BCL6B: variants seen among roughly 807,000 people sequenced by gnomAD.
BCL6B encodes the protein B-cell CLL/lymphoma 6 member B protein.
BCL6B carries 28 observed loss-of-function variants against 44.6 expected under a neutral mutation model. The observed-to-expected ratio is 0.63, with a 90% CI of 0.47 to 0.86. BCL6B has a LOEUF of 0.86. BCL6B is among the 40% of genes least tolerant of loss of function. The pLI, the probability that BCL6B is intolerant of heterozygous loss-of-function variation, is 0.00. For synonymous variants in BCL6B, 268 were observed against 263.6 expected (o/e 1.02, Z -0.16); for missense variants, 626 against 652.3 (o/e 0.96, Z 0.44).
chr17:7,023,437 A>C, intron 1 of BCL6B: 1 of 544,846 alleles, frequency 1.8e-6, no homozygotes, highest in Non-Finnish European at 3.2e-6. Context: ...GCGGTGTGGA[A>C]CCTTCAACTG....
At chr17:7,025,652 G>T (rs950399354) in intron 5 of BCL6B, among the ~76,000 whole-genome samples, 1 of 152,100 alleles carries the variant, frequency 6.6e-6, no homozygotes, top group Non-Finnish European at 1.5e-5. Flanking sequence ...GGGCAACATA[G>T]TCAGATGTGG....
chr17:7,023,358 G>A, intron 1 of BCL6B: 3 of 397,936 alleles, frequency 7.5e-6, no homozygotes, highest in Middle Eastern at 6.6e-4. Context: ...GAGTGGCGGT[G>A]CTGGAGGGGC....
chr17:7,026,901 A>G (rs1308531973), intron 7 of BCL6B, 49 bp from the exon 8 acceptor site: 1 of 1,610,930 alleles, frequency 6.2e-7, no homozygotes, highest in Non-Finnish European at 8.5e-7. Context: ...GCCAATAGGG[A>G]GGGTTCTGTT....
In BCL6B at chr17:7,026,400, G is replaced by C. The variant is rs888097972; in HGVS notation, c.890-57G>C. The C allele has an allele frequency of 7.6e-6, 12 of 1,582,778 alleles. No individual in the cohort carries two copies. The African/African-American group carries it at 1.6e-4, about 21-fold the overall frequency. On this transcript the variant is annotated intron_variant, in intron 5 of 8. Transcript: ENST00000293805. ...TACTGTGTGGTTTGAGGATTCAGTAGTACCTAGATAGCCCTCATTAATAAC... is the reference window on the plus strand; with the variant it reads ...TACTGTGTGGTTTGAGGATTCAGTACTACCTAGATAGCCCTCATTAATAAC...
In BCL6B at chr17:7,029,349, G is replaced by A. The variant is rs1005342415; in HGVS notation, c.*1730G>A. 1.9e-5 allele frequency: 19 copies of A among 991,574 alleles called. No homozygotes were observed. The highest frequency in any genetic ancestry group is 5.2e-5 in the African/African-American group (3 of 57,236). 61.4% of individuals were successfully genotyped at this position (991,574 alleles called of 1,614,324 possible). A position where few individuals can be genotyped will look rare whatever the true frequency, so the allele number is the denominator to read the frequency against. On this transcript the variant is annotated 3_prime_UTR_variant, in exon 9 of 9. Transcript: ENST00000293805. ...CCTGGGGCTTATCTGATTATGGGAC[G>A]AGGGTAGAAAGTAAGAAGCACTTTT...
Position 7,024,659 on chromosome 17 carries a change from A to T in BCL6B, c.660A>T (p.Gln220His), listed in dbSNP as rs1597340318. The stretch of plus-strand genomic sequence containing the variant: ...TGGTCGGGGAGAGAAGTTCTGGTCA[A>T]CCTTGCCCCCAAGCCAGGCTCCCCA... ...GSLVGERSSG[Q>H]PCPQARLPSG... Residue 220 changes from glutamine to histidine, a missense_variant, in exon 4 of 9, where the codon CAA becomes CAT. By Grantham distance (24) the Gln-to-His change is conservative. Transcript: ENST00000293805. This position sits in a 1 kb window ranked among gnomAD's most constrained non-coding sequence, Gnocchi z 6.6. 2.5e-6 allele frequency: 4 copies of T among 1,613,718 alleles called. No homozygotes were observed. In the South Asian group the frequency reaches 4.4e-5, roughly 18 times the overall value.
intron 5 of BCL6B, among the ~76,000 whole-genome samples, chr17:7,025,662 G>T (rs1440772213): frequency 6.6e-6 from 1 of 151,966 alleles, no homozygotes; most frequent in Admixed American, 6.6e-5. Flanking sequence ...GTCAGATGTG[G>T]TCTCTACAAA....
chr17:7,023,951 C>A, intron 2 of BCL6B, 101 bp downstream of exon 2: 1 of 1,535,120 alleles, frequency 6.5e-7, no homozygotes, highest in Non-Finnish European at 8.9e-7. Flanking sequence ...AAGCAGGAGG[C>A]GGAGCGTCCC....
At chr17:7,023,558 G>A in intron 1 of BCL6B, 102 bp from the exon 2 acceptor site, 1 of 1,184,820 alleles carries the variant, frequency 8.4e-7, no homozygotes, top group Non-Finnish European at 1.2e-6. Context: ...CTAGGGGCTG[G>A]AAGTCCTGGC....
At chr17:7,025,239 C>T in intron 5 of BCL6B, 39 bp downstream of exon 5, 1 of 1,610,968 alleles carries the variant, frequency 6.2e-7, no homozygotes. Flanking sequence ...CCCGTGACTG[C>T]TCCAGGCAAG....
chr17:7,027,800 C>T lies in BCL6B; in HGVS notation c.*181C>T. 2.8e-6 allele frequency: 4 copies of T among 1,431,020 alleles called. No homozygotes were observed. Among genetic ancestry groups the T allele is most frequent in the Non-Finnish European group, 3.6e-6 (4 of 1,096,726 alleles). 88.6% of individuals were successfully genotyped at this position (1,431,020 alleles called of 1,614,324 possible). A position where few individuals can be genotyped will look rare whatever the true frequency, so the allele number is the denominator to read the frequency against. On this transcript the variant is annotated 3_prime_UTR_variant, in exon 9 of 9. Transcript: ENST00000293805. ...TGGCAGATCCTGGCTAGATCTGCCT[C>T]TGTTTTGCTGGTCAAAACCTCTTCC... is the stretch of plus-strand genomic sequence containing the variant.
chr17:7,025,314 A>G (rs185509375), intron 5 of BCL6B, 114 bp downstream of exon 5: 2 of 1,428,986 alleles, frequency 1.4e-6, no homozygotes, highest in East Asian at 4.6e-5. Context: ...TACAAATTAG[A>G]ATCACCTAGG....
intron 5 of BCL6B, 54 bp from the exon 6 acceptor site, chr17:7,026,403 C>T: frequency 3.1e-6 from 5 of 1,588,632 alleles, no homozygotes; most frequent in Non-Finnish European, 4.3e-6. Context: ...TTCAGTAGTA[C>T]CTAGATAGCC....
Position 7,024,434 on chromosome 17 carries a change from G to A in BCL6B, c.435G>A (p.Leu145=). 1.2e-6 allele frequency: 2 copies of A among 1,613,250 alleles called. No individual in the cohort carries two copies. The highest frequency in any genetic ancestry group is 1.7e-6 in the Non-Finnish European group (2 of 1,179,716). The change falls in exon 4 of 9, where the codon CTG becomes CTA. Residue 145 remains leucine (L), a synonymous_variant. Transcript: ENST00000293805. The surrounding 1 kb of genome is among the most constrained non-coding windows in gnomAD (Gnocchi z 6.6). ...YEPLGISLRP[L]EAEPPTPPTA... ...CTCTGGGCATCTCCCTGCGCCCCCT[G>A]GAAGCAGAACCCCCAACACCCCCAA...
In BCL6B at chr17:7,023,690, C is replaced by G; in HGVS notation, c.19C>G (p.Pro7Ala). 6.2e-7 allele frequency: 1 copy of G among 1,612,786 alleles called. No homozygotes were observed. Among genetic ancestry groups the G allele is most frequent in the Non-Finnish European group, 8.5e-7 (1 of 1,179,884 alleles). Reference protein sequence around the residue: MGSPAAPEGALGYVREF... With the variant: MGSPAAAEGALGYVREF... ...TGTCGCTATGGGTTCCCCCGCCGCCCCGGAGGGAGCGCTGGGCTACGTCCG... is the reference window on the plus strand; with the variant it reads ...TGTCGCTATGGGTTCCCCCGCCGCCGCGGAGGGAGCGCTGGGCTACGTCCG... The change falls in exon 2 of 9, where the codon CCG becomes GCG. Residue 7 changes from proline to alanine, a missense_variant. By Grantham distance (27) the Pro-to-Ala change is conservative. Coordinates refer to ENST00000293805, the MANE Select transcript of BCL6B (RefSeq NM_181844.4).
Position 7,029,565 on chromosome 17 carries a change from G to A in BCL6B, c.*1946G>A. 8.7e-7 allele frequency: 1 copy of A among 1,148,610 alleles called. No homozygotes were observed. The highest frequency in any genetic ancestry group is 1.1e-6 in the Non-Finnish European group (1 of 920,298). The allele number at this position is 1,148,610 out of a possible 1,614,324, so 71.2% of individuals were successfully genotyped here. ...GATTTCTATTTAGCAGATTGGATGG[G>A]CAGGTGGAGAATGCCTGGGGGTAGA... On this transcript the variant is annotated 3_prime_UTR_variant, in exon 9 of 9. Coordinates refer to ENST00000293805, the MANE Select transcript of BCL6B (RefSeq NM_181844.4).
In BCL6B at chr17:7,026,596, T is replaced by C. The variant is rs779327439; in HGVS notation, c.1029T>C (p.Leu343=). The change falls in exon 6 of 9, where the codon CTT becomes CTC. Residue 343 remains leucine (L), a synonymous_variant. Transcript: ENST00000293805. ...CTTCGTTCCGCTACAAGGGCAACCT[T>C]GCCAGTCATCGTACAGTGCACACAG... ...CRSSFRYKGN[L]ASHRTVHTGE... 2.5e-6 allele frequency: 4 copies of C among 1,614,186 alleles called. No homozygotes were observed. The South Asian group carries it at 4.4e-5, about 18-fold the overall frequency.
In BCL6B at chr17:7,027,514, T is replaced by C. The variant is rs1269506064; in HGVS notation, c.1335T>C (p.Cys445=). 2 of 1,613,872 alleles carry C rather than the reference T, an allele frequency of 1.2e-6. No homozygotes were observed. Among genetic ancestry groups the C allele is most frequent in the African/African-American group, 2.7e-5 (2 of 75,032 alleles). ...CTGTCCTCCCACAGTGCGACCCCTG[T>C]GGCCTGCATTTCCGGCACAAGAGTC... ...TGEKPYHCDP[C]GLHFRHKSQL... The change falls in exon 9 of 9, where the codon TGT becomes TGC. Residue 445 remains cysteine, a synonymous_variant. Transcript: ENST00000293805.
chr17:7,027,511 C>A lies in BCL6B; in HGVS notation c.1332C>A (p.Pro444=), dbSNP rs1412915902. 3.1e-6 allele frequency: 5 copies of A among 1,613,928 alleles called. No individual in the cohort carries two copies. Among genetic ancestry groups the A allele is most frequent in the Non-Finnish European group, 4.2e-6 (5 of 1,180,026 alleles). ...TGGCTGTCCTCCCACAGTGCGACCC[C>A]TGTGGCCTGCATTTCCGGCACAAGA... ...HTGEKPYHCD[P]CGLHFRHKSQ... Residue 444 remains proline, a synonymous_variant, in exon 9 of 9, where the codon CCC becomes CCA. Transcript: ENST00000293805.
Sources: allele counts gnomAD v4.1 joint callset (sites outside exome capture counted in the v4.1 genomes callset), GRCh38; gene constraint gnomAD v4.1.1; non-coding constraint Gnocchi (gnomAD v3.1); transcripts MANE v1.5; gene names NCBI Gene and HGNC (gene_info 2026-07-23, HGNC 2026-07-21).